Variants in DYM observed in about 807,000 individuals in gnomAD.
DYM encodes dyggve-Melchior-Clausen syndrome protein.
DYM carries 78 observed loss-of-function variants against 93.1 expected under a neutral mutation model. That is an observed-to-expected ratio of 0.84 (90% CI 0.70 to 1.01). DYM has a LOEUF of 1.01. Ranked by LOEUF, DYM falls within the 50% of genes least tolerant of loss-of-function variation. The pLI, the probability that DYM is intolerant of heterozygous loss-of-function variation, is 0.00. For missense variants in DYM, 789 were observed against 845.0 expected, an observed-to-expected ratio of 0.93 and a Z score of 0.82; for synonymous variants, 321 against 319.7, an observed-to-expected ratio of 1.00 and a Z score of -0.04.
At chr18:49,392,639 A>G (rs1017648128) in intron 2 of DYM, among the ~76,000 whole-genome samples, 6 of 144,470 alleles carry the variant, frequency 4.2e-5, no homozygotes, top group African/African-American at 1.3e-4. Flanking sequence ...CACTAAAACC[A>G]GAGCGAGATA....
chr18:49,304,063 CAT>C (rs1235756735), intron 8 of DYM, among the ~76,000 whole-genome samples: 1 of 152,196 alleles, frequency 6.6e-6, no homozygotes, highest in Non-Finnish European at 1.5e-5. Flanking sequence ...TTATATTGGT[CAT>C]AGTCTTCAAC....
chr18:49,340,589 A>G (rs538133981), intron 6 of DYM, among the ~76,000 whole-genome samples: 43 of 152,360 alleles, frequency 2.8e-4, no homozygotes, highest in Admixed American at 6.5e-4. Flanking sequence ...GTGCTAAAGA[A>G]TGTGACACAT....
chr18:49,296,143 G>A (rs1249964208), intron 8 of DYM, among the ~76,000 whole-genome samples: 5 of 152,068 alleles, frequency 3.3e-5, no homozygotes, highest in African/African-American at 1.2e-4. Flanking sequence ...TGGCCAGGAT[G>A]GTCTCAAACT....
At chr18:49,073,240 C>T (rs2077034627) in intron 17 of DYM, among the ~76,000 whole-genome samples, 1 of 152,118 alleles carries the variant, frequency 6.6e-6, no homozygotes, top group African/African-American at 2.4e-5. Context: ...TTTAAGTAAA[C>T]TAAAAGGCAA....
At chr18:49,182,758 A>C (rs1473767186) in intron 14 of DYM, among the ~76,000 whole-genome samples, 1 of 152,096 alleles carries the variant, frequency 6.6e-6, no homozygotes, top group Non-Finnish European at 1.5e-5. Context: ...TATAATTCTG[A>C]ACAGTGGTCT....
chr18:49,320,181 T>G (rs1405657271), intron 8 of DYM, among the ~76,000 whole-genome samples: 1 of 152,166 alleles, frequency 6.6e-6, no homozygotes, highest in African/African-American at 2.4e-5. Flanking sequence ...GACTAAAGAT[T>G]AAGATATACA....
At chr18:49,101,494 GATTATT>G (rs1355585018) in intron 16 of DYM, among the ~76,000 whole-genome samples, 1 of 152,094 alleles carries the variant, frequency 6.6e-6, no homozygotes, top group African/African-American at 2.4e-5. Flanking sequence ...ACAAGTGAAT[GATTATT>G]ATTAATAGAT....
chr18:49,210,195 T>C (rs920915201), intron 13 of DYM, among the ~76,000 whole-genome samples: 1 of 152,174 alleles, frequency 6.6e-6, no homozygotes, highest in Non-Finnish European at 1.5e-5. Context: ...AATCCAGAAA[T>C]TGTGCTCTTT....
At chr18:49,076,193 ATGTGTG>A (rs1233823748) in intron 17 of DYM, among the ~76,000 whole-genome samples, 9 of 152,162 alleles carry the variant, frequency 5.9e-5, no homozygotes, top group African/African-American at 2.2e-4. Flanking sequence ...CTGTATGTGT[ATGTGTG>A]TGTAGAGATA....
chr18:49,132,276 A>G (rs2083444430), intron 15 of DYM, among the ~76,000 whole-genome samples: 1 of 152,188 alleles, frequency 6.6e-6, no homozygotes, highest in South Asian at 2.1e-4. Flanking sequence ...TTGCAGAAAC[A>G]AGGTAATGAG....
chr18:49,251,643 C>T (rs182889852), intron 13 of DYM, among the ~76,000 whole-genome samples: 80 of 152,296 alleles, frequency 5.3e-4, no homozygotes, highest in African/African-American at 1.7e-3. Flanking sequence ...CAAATGTCAA[C>T]GCACTTCATC....
At chr18:49,180,447 T>C (rs112903855) in intron 14 of DYM, among the ~76,000 whole-genome samples, 2,163 of 152,218 alleles carry the variant, frequency 0.014, 49 homozygotes, top group African/African-American at 0.049. Flanking sequence ...GTAACCTATA[T>C]GGACAGTACA....
intron 16 of DYM, among the ~76,000 whole-genome samples, chr18:49,107,696 C>A (rs1266624203): frequency 6.6e-5 from 10 of 152,174 alleles, no homozygotes; most frequent in Admixed American, 6.5e-4. Flanking sequence ...GCCTGGGTAT[C>A]AGCAGCGGAG....
intron 8 of DYM, chr18:49,321,462 C>A: frequency 2.5e-6 from 1 of 396,884 alleles, no homozygotes; most frequent in African/African-American, 2.1e-5. Context: ...TGGTTGTCAG[C>A]AAATTACAAG....
At position 49,043,538 on chromosome 18, in the gene DYM, C is replaced by T. The variant is rs78826928; in HGVS notation, c.*517G>A. ...CCTCTGACAGGCAACCAAACACACA[C>T]GACTTCATTTCTTTATTAATTCCTG... On this transcript the variant is annotated 3_prime_UTR_variant, in exon 18 of 18. Coordinates refer to ENST00000675505, the MANE Select transcript of DYM (RefSeq NM_001353214.3). 9.4e-3 allele frequency: 1,462 copies of T among 155,312 alleles called. 35 individuals carry two copies. The highest frequency in any genetic ancestry group is 0.067 in the South Asian group (334 of 5,022). The allele number at this position is 155,312 out of a possible 1,614,324, so 9.6% of individuals were successfully genotyped here.
Position 49,097,164 on chromosome 18 carries a change from T to C in DYM, c.2025+238A>G, listed in dbSNP as rs140135380. On this transcript the variant is annotated intron_variant, in intron 17 of 17. Transcript: ENST00000675505. ...CTGGGTTAAAAAAATAAGGTGTCCT[T>C]TTATTAACAGTATATGAATTATAGT... is the stretch of plus-strand genomic sequence containing the variant. 1.5e-3 allele frequency: 862 copies of C among 569,664 alleles called. 4 individuals are homozygous for C. Among genetic ancestry groups the C allele is most frequent in the African/African-American group, 0.015 (775 of 53,284 alleles). The allele number at this position is 569,664 out of a possible 1,614,324, so 35.3% of individuals were successfully genotyped here. A position where few individuals can be genotyped will look rare whatever the true frequency, so the allele number is the denominator to read the frequency against.
At chr18:49,158,605 T>A (rs1272026670) in intron 15 of DYM, among the ~76,000 whole-genome samples, 1 of 152,158 alleles carries the variant, frequency 6.6e-6, no homozygotes, top group African/African-American at 2.4e-5. Context: ...GACATTTCCA[T>A]CAAGAACTAA....
At chr18:49,377,267 T>G (rs1247694588) in intron 5 of DYM, among the ~76,000 whole-genome samples, 1 of 152,152 alleles carries the variant, frequency 6.6e-6, no homozygotes, top group Non-Finnish European at 1.5e-5. Context: ...ATATTGTTTT[T>G]AAAAATTCTA....
At chr18:49,364,219 C>A (rs552384362) in intron 5 of DYM, among the ~76,000 whole-genome samples, 1 of 152,220 alleles carries the variant, frequency 6.6e-6, no homozygotes, top group African/African-American at 2.4e-5. Flanking sequence ...CCAAGGCAGG[C>A]AGATCACCTG....
Sources: gnomAD v4.1 joint callset for allele counts (sites outside exome capture counted in the v4.1 genomes callset) on GRCh38, gnomAD v4.1.1 for gene constraint, MANE v1.5 for transcripts, NCBI Gene and HGNC (gene_info 2026-07-23, HGNC 2026-07-21) for gene names.